The following ZNF76 variants were observed in gnomAD, a reference collection of about 807,000 sequenced individuals.
The protein encoded by ZNF76 is zinc finger protein 523.
In ZNF76, 66 loss-of-function variants were observed where a neutral mutation model predicts 66.9. That is an observed-to-expected ratio of 0.99 (90% confidence interval 0.81 to 1.21). The LOEUF is 1.21. Ranked by LOEUF, ZNF76 falls within the 50% of genes most tolerant of loss-of-function variation. The probability of loss-of-function intolerance (pLI) is 0.00; values close to 1 mark genes in which losing one functional copy is unlikely to be tolerated. For missense variants in ZNF76, 729 were observed against 760.3 expected (o/e 0.96, Z 0.48); for synonymous variants, 275 against 296.1 (o/e 0.93, Z 0.73).
intron 1 of ZNF76, among the ~76,000 whole-genome samples, chr6:35,267,917 C>T (rs1786401825): frequency 6.6e-6 from 1 of 152,192 alleles, no homozygotes; most frequent in Non-Finnish European, 1.5e-5. Context: ...CTTCCCTCCT[C>T]CATTCTTTCG....
intron 1 of ZNF76, among the ~76,000 whole-genome samples, chr6:35,264,230 A>G (rs1365469259): frequency 2.6e-5 from 4 of 152,264 alleles, no homozygotes; most frequent in African/African-American, 7.2e-5. Context: ...TCCAAACATG[A>G]TAATGGGCAT....
chr6:35,273,705 C>T lies in ZNF76; in HGVS notation c.-96-7351C>T, dbSNP rs199863169. The stretch of plus-strand genomic sequence containing the variant: ...CTGAGGCAGGAGAATTGCTTGAACC[C>T]GGGAGACTCCATCTCACAAAAAAAA... On this transcript the variant is annotated intron_variant, in intron 1 of 13. Coordinates refer to ENST00000373953, the MANE Select transcript of ZNF76 (RefSeq NM_003427.5). Among the ~76,000 whole-genome samples, 80 of 131,758 alleles carry T rather than the reference C, an allele frequency of 6.1e-4. No homozygotes were observed. The East Asian group carries it at 0.013, about 21-fold the overall frequency. The allele number at this position is 131,758 out of a possible 152,430, so 86.4% of individuals were successfully genotyped here.
chr6:35,292,295 C>G lies in ZNF76; in HGVS notation c.932-259C>G, dbSNP rs1790508109. The G allele has an allele frequency of 1.8e-6, 1 of 550,742 alleles. No individual in the cohort carries two copies. The highest frequency in any genetic ancestry group is 1.9e-5 in the African/African-American group (1 of 52,914). 34.1% of individuals were successfully genotyped at this position (550,742 alleles called of 1,614,324 possible). ...CCTTATAAGCCCCAGTGCCCCCTACCAGCCCCTTCACTAGCCCCAGCCTTG... is the reference window on the plus strand; with the variant it reads ...CCTTATAAGCCCCAGTGCCCCCTACGAGCCCCTTCACTAGCCCCAGCCTTG... On this transcript the variant is annotated intron_variant, in intron 9 of 13. Transcript: ENST00000373953. The surrounding 1 kb of genome is among the most constrained non-coding windows in gnomAD (Gnocchi z 4.7).
At chr6:35,273,722 C>A (rs78633156) in intron 1 of ZNF76, among the ~76,000 whole-genome samples, 513 of 129,816 alleles carry the variant, frequency 4.0e-3, no homozygotes, top group Admixed American at 5.4e-3. Flanking sequence ...CTCCATCTCA[C>A]AAAAAAAAAA....
chr6:35,291,136 C>A (rs1004579671), intron 7 of ZNF76, 142 bp from the exon 8 acceptor site: 30 of 1,164,242 alleles, frequency 2.6e-5, no homozygotes, highest in Non-Finnish European at 3.4e-5. Flanking sequence ...TTTTCCAGCC[C>A]CTGCCCAGGG....
intron 1 of ZNF76, among the ~76,000 whole-genome samples, chr6:35,263,586 GTA>G (rs1305836887): frequency 6.6e-6 from 1 of 152,158 alleles, no homozygotes; most frequent in African/African-American, 2.4e-5. Flanking sequence ...TGAGGAAAGG[GTA>G]TACCCTGGGT....
Position 35,281,114 on chromosome 6 carries a change from G to A in ZNF76, c.-38G>A. ...CTGTGGCTCTTGGTGCTGGCCAGAA[G>A]CCAACTTCATGTCTGAGTGCACGAG... On this transcript the variant is annotated 5_prime_UTR_variant, in exon 2 of 14. Transcript: ENST00000373953. 6.2e-7 allele frequency: 1 copy of A among 1,610,296 alleles called. No homozygotes were observed. Among genetic ancestry groups the A allele is most frequent in the Non-Finnish European group, 8.5e-7 (1 of 1,176,758 alleles).
Position 35,287,632 on chromosome 6 carries a change from C to T in ZNF76, c.233-14C>T. 8 of 1,598,022 alleles carry T rather than the reference C, an allele frequency of 5.0e-6. No individual in the cohort carries two copies. The highest frequency in any genetic ancestry group is 1.3e-5 in the African/African-American group (1 of 74,810). On this transcript the variant is annotated splice_polypyrimidine_tract_variant and intron_variant, in intron 4 of 13. Coordinates refer to ENST00000373953, the MANE Select transcript of ZNF76 (RefSeq NM_003427.5). The surrounding 1 kb of genome is among the most constrained non-coding windows in gnomAD (Gnocchi z 4.0). ...CCTTGTGTGGCATCAGGGCTAACCGCGTGTTCCCTGCAGAAGGCTATGACC... is the reference window on the plus strand; with the variant it reads ...CCTTGTGTGGCATCAGGGCTAACCGTGTGTTCCCTGCAGAAGGCTATGACC...
At chr6:35,276,963 AT>A (rs11439435) in intron 1 of ZNF76, among the ~76,000 whole-genome samples, 12,579 of 141,228 alleles carry the variant, frequency 0.089, 1,265 homozygotes, top group African/African-American at 0.25. Context: ...TAATTTTTGT[AT>A]TTTTTTTTTT....
chr6:35,274,631 A>C (rs971939235), intron 1 of ZNF76, among the ~76,000 whole-genome samples: 4 of 152,322 alleles, frequency 2.6e-5, no homozygotes, highest in East Asian at 1.9e-4. Flanking sequence ...AGGCTAAGGC[A>C]AGAGGATCGC....
chr6:35,290,153 G>T, intron 5 of ZNF76, 113 bp from the exon 6 acceptor site: 1 of 1,363,814 alleles, frequency 7.3e-7, no homozygotes, highest in Non-Finnish European at 1.0e-6. Context: ...TGCCCCAGAG[G>T]CCCCTGACAG....
rs1030071478 is a variant in ZNF76, at chr6:35,277,846, G to C, written c.-96-3210G>C. Among the ~76,000 whole-genome samples the C allele has an allele frequency of 4.6e-5, 7 of 152,226 alleles. No homozygotes were observed. The South Asian group carries it at 1.0e-3, about 23-fold the overall frequency. ...ATCAGCGTGTCGCAGTTGGTCTATAGGTTTTTTTGGGTTTTTCGTTTGTTT... is the reference window on the plus strand; with the variant it reads ...ATCAGCGTGTCGCAGTTGGTCTATACGTTTTTTTGGGTTTTTCGTTTGTTT... On this transcript the variant is annotated intron_variant, in intron 1 of 13. Transcript: ENST00000373953.
At chr6:35,274,892 C>T (rs572438087) in intron 1 of ZNF76, among the ~76,000 whole-genome samples, 55 of 152,122 alleles carry the variant, frequency 3.6e-4, no homozygotes, top group Non-Finnish European at 7.5e-4. Context: ...CAGTGGCTCA[C>T]GCCTGTAATC....
At position 35,286,321 on chromosome 6, in the gene ZNF76, GA is replaced by G; in HGVS notation, c.156del (p.Ala53LeufsTer130). On this transcript the variant is annotated frameshift_variant and splice_region_variant, in exon 4 of 14. Transcript: ENST00000373953. LOFTEE classifies it high-confidence loss of function. ...AAAGGCAGGCATTGCTCTCGTTACA[GA>G]AGCTCTCTCCTTTGAGGATGGTCAG... The part of the protein sequence containing the change: ...AYIHQVTVQK[E>X]ALSFEDGQPV... The G allele has an allele frequency of 6.2e-7, 1 of 1,614,220 alleles. No homozygotes were observed. Among genetic ancestry groups the G allele is most frequent in the Non-Finnish European group, 8.5e-7 (1 of 1,180,036 alleles).
rs142544574 is a variant in ZNF76, at chr6:35,262,855, G to C, written c.-97+3014G>C. Reference sequence around the variant, plus strand: ...CTCTCATACCCTTGCCCAGTATCCTGTGAGATCCTGCCTCTCAGATTCCTC... The same window carrying C: ...CTCTCATACCCTTGCCCAGTATCCTCTGAGATCCTGCCTCTCAGATTCCTC... On this transcript the variant is annotated intron_variant, in intron 1 of 13. Transcript: ENST00000373953. Among the ~76,000 whole-genome samples, 42 of 152,144 alleles carry C rather than the reference G, an allele frequency of 2.8e-4. No homozygotes were observed. In the East Asian group the frequency reaches 7.4e-3, roughly 27 times the overall value.
rs6902267 is a variant in ZNF76 at position 35,283,894 on chromosome 6, G to A, written c.74-2234G>A. Among the ~76,000 whole-genome samples, 870 of 152,210 alleles carry A rather than the reference G, an allele frequency of 5.7e-3. 8 individuals are homozygous for A. The highest frequency in any genetic ancestry group is 0.017 in the African/African-American group (689 of 41,528). ...CTTTATCTCCACCTTACCTGCCTTT[G>A]GTTAGTTGTAGGACTGTTAGTTACT... On this transcript the variant is annotated intron_variant, in intron 2 of 13. Coordinates refer to ENST00000373953, the MANE Select transcript of ZNF76 (RefSeq NM_003427.5).
intron 1 of ZNF76, among the ~76,000 whole-genome samples, chr6:35,268,339 G>C (rs375149951): frequency 3.9e-5 from 6 of 152,136 alleles, no homozygotes; most frequent in African/African-American, 1.2e-4. Flanking sequence ...CGTTTATATC[G>C]TGAGGAGAGT....
chr6:35,263,629 G>C (rs1428511299), intron 1 of ZNF76, among the ~76,000 whole-genome samples: 1 of 152,198 alleles, frequency 6.6e-6, no homozygotes, highest in African/African-American at 2.4e-5. Context: ...ATTTTAAAAA[G>C]GAGTTCTTGC....
intron 1 of ZNF76, among the ~76,000 whole-genome samples, chr6:35,277,010 G>T (rs113949611): frequency 0.088 from 13,215 of 150,808 alleles, 1,361 homozygotes; most frequent in African/African-American, 0.25. Context: ...TGTTGGTCAG[G>T]CTGGTCTCGA....
Sources: allele counts gnomAD v4.1 joint callset (sites outside exome capture counted in the v4.1 genomes callset), GRCh38; gene constraint gnomAD v4.1.1; non-coding constraint Gnocchi (gnomAD v3.1); transcripts MANE v1.5; gene names NCBI Gene and HGNC (gene_info 2026-07-23, HGNC 2026-07-21).